The following SCMH1 variants were observed in gnomAD, a reference collection of about 807,000 sequenced individuals.
SCMH1 encodes the protein polycomb protein SCMH1.
A neutral mutation model predicts 70.8 loss-of-function variants in SCMH1; 37 were observed. The ratio of observed to expected loss-of-function variants is 0.52; its 90% CI spans 0.40 to 0.69. The LOEUF is 0.69. Ranked by LOEUF, SCMH1 falls within the 30% of genes least tolerant of loss-of-function variation. The probability of loss-of-function intolerance (pLI) is 0.00; values close to 1 mark genes in which losing one functional copy is unlikely to be tolerated. For synonymous variants in SCMH1, 292 were observed against 307.4 expected (o/e 0.95, Z 0.52); for missense variants, 607 against 827.3 (o/e 0.73, Z 3.27).
intron 8 of SCMH1, among the ~76,000 whole-genome samples, chr1:41,082,260 T>C (rs545638233): frequency 2.0e-5 from 3 of 152,100 alleles, no homozygotes; most frequent in Non-Finnish European, 4.4e-5. Context: ...AGACACATAA[T>C]TGTCAGATTC....
intron 4 of SCMH1, chr1:41,159,907 T>C: frequency 1.0e-6 from 1 of 1,000,394 alleles, no homozygotes; most frequent in Non-Finnish European, 1.3e-6. Flanking sequence ...TTCACATCCA[T>C]TAGCTCATGT....
At chr1:41,110,649 T>C (rs2147827869) in intron 8 of SCMH1, among the ~76,000 whole-genome samples, 1 of 152,364 alleles carries the variant, frequency 6.6e-6, no homozygotes, top group South Asian at 2.1e-4. Context: ...CAATTAGTAT[T>C]TTGTCCTCTA....
intron 1 of SCMH1, among the ~76,000 whole-genome samples, chr1:41,218,420 G>C (rs1402994368): frequency 6.6e-6 from 1 of 152,104 alleles, no homozygotes; most frequent in Non-Finnish European, 1.5e-5. Context: ...GATACACAGG[G>C]AGAACACAAT....
At position 41,046,265 on chromosome 1, in the gene SCMH1, T is replaced by C. The variant is rs545907922; in HGVS notation, c.1498+142A>G. On this transcript the variant is annotated intron_variant, in intron 12 of 14. Transcript: ENST00000337495. ...AGAGGAGGCTGAGAAGTCTCAGATATGGCAAAGGTAAGGGACAGAAAAGCA... is the reference window on the plus strand; with the variant it reads ...AGAGGAGGCTGAGAAGTCTCAGATACGGCAAAGGTAAGGGACAGAAAAGCA... 2.5e-5 allele frequency: 16 copies of C among 642,334 alleles called. No homozygotes were observed. The East Asian group carries it at 3.6e-4, about 14-fold the overall frequency. 39.8% of individuals were successfully genotyped at this position (642,334 alleles called of 1,614,324 possible). A position where few individuals can be genotyped will look rare whatever the true frequency, so the allele number is the denominator to read the frequency against.
chr1:41,043,802 TAAACAC>T (rs2148658475), intron 12 of SCMH1: 1 of 152,228 alleles, frequency 6.6e-6, no homozygotes, highest in Non-Finnish European at 1.5e-5. Context: ...TCTTAGGAGA[TAAACAC>T]AAAAGTATTT....
At position 41,049,310 on chromosome 1, in the gene SCMH1, A is replaced by G. The variant is rs1051437112; in HGVS notation, c.1106-420T>C. 1.5e-3 allele frequency among the ~76,000 whole-genome samples: 228 copies of G among 149,894 alleles called. 2 individuals carry two copies. The highest frequency in any genetic ancestry group is 5.2e-3 in the African/African-American group (213 of 40,762). On this transcript the variant is annotated intron_variant, in intron 10 of 14. Transcript: ENST00000337495. ...GCAATGGCAATATTAGCAAGGGCAT[A>G]TGTGTGTGTGTGTGTGTGTGTATGT...
chr1:41,035,328 T>G (rs544184159), intron 13 of SCMH1, among the ~76,000 whole-genome samples: 23 of 152,290 alleles, frequency 1.5e-4, no homozygotes, highest in African/African-American at 5.5e-4. Context: ...AAAAAGCCCT[T>G]AATTCTCAAG....
At chr1:41,061,803 C>G (rs1487094150) in intron 10 of SCMH1, among the ~76,000 whole-genome samples, 1 of 152,204 alleles carries the variant, frequency 6.6e-6, no homozygotes, top group Non-Finnish European at 1.5e-5. Flanking sequence ...GTAGAACATT[C>G]AGCAAGGTAG....
chr1:41,061,966 G>A (rs1275892105), intron 10 of SCMH1, among the ~76,000 whole-genome samples: 1 of 152,052 alleles, frequency 6.6e-6, no homozygotes, highest in Non-Finnish European at 1.5e-5. Flanking sequence ...CCAGGTTCAA[G>A]TGATCCTCAC....
At chr1:41,129,340 T>C (rs1278136136) in intron 6 of SCMH1, among the ~76,000 whole-genome samples, 2 of 152,166 alleles carry the variant, frequency 1.3e-5, no homozygotes, top group Non-Finnish European at 2.9e-5. Flanking sequence ...ACTCTGTACC[T>C]ATTATCAACC....
intron 8 of SCMH1, among the ~76,000 whole-genome samples, chr1:41,086,278 T>A (rs1476417679): frequency 3.9e-5 from 6 of 152,190 alleles, no homozygotes; most frequent in Admixed American, 1.3e-4. Flanking sequence ...ACAGAATACG[T>A]AACTGACATA....
intron 2 of SCMH1, among the ~76,000 whole-genome samples, chr1:41,167,695 T>C (rs61781830): frequency 0.23 from 35,718 of 152,084 alleles, 5,017 homozygotes; most frequent in Non-Finnish European, 0.31. Flanking sequence ...TTTGTATTTC[T>C]ATGTTGTCAG....
intron 10 of SCMH1, among the ~76,000 whole-genome samples, chr1:41,051,041 C>G (rs1326841581): frequency 6.6e-6 from 1 of 152,196 alleles, no homozygotes; most frequent in Admixed American, 6.5e-5. Context: ...TTCATAATAA[C>G]CCCAAACTAG....
At chr1:41,049,057 A>G (rs1231965411) in intron 10 of SCMH1, among the ~76,000 whole-genome samples, 167 bp from the exon 11 acceptor site, 3 of 152,158 alleles carry the variant, frequency 2.0e-5, no homozygotes, top group African/African-American at 7.2e-5. Context: ...GGGTCAAGAA[A>G]AGGCTGTGCC....
chr1:41,150,158 T>C (rs1212857430), intron 5 of SCMH1, among the ~76,000 whole-genome samples: 1 of 152,204 alleles, frequency 6.6e-6, no homozygotes, highest in Non-Finnish European at 1.5e-5. Flanking sequence ...AACTCATTTG[T>C]TTTCTCTCTC....
intron 1 of SCMH1, among the ~76,000 whole-genome samples, chr1:41,209,591 C>T (rs1437803480): frequency 2.0e-5 from 3 of 152,224 alleles, no homozygotes; most frequent in Non-Finnish European, 4.4e-5. Context: ...TAATTCATCG[C>T]ATAAACAGAA....
At chr1:41,056,456 T>A (rs77154612) in intron 10 of SCMH1, among the ~76,000 whole-genome samples, 63 of 109,000 alleles carry the variant, frequency 5.8e-4, no homozygotes, top group Non-Finnish European at 1.2e-3. Context: ...TATACTGTCA[T>A]TTTTTTTTTT....
At chr1:41,208,714 G>A (rs1656242216) in intron 1 of SCMH1, among the ~76,000 whole-genome samples, 1 of 152,136 alleles carries the variant, frequency 6.6e-6, no homozygotes, top group South Asian at 2.1e-4. Flanking sequence ...GAATCTCAGG[G>A]ACACATTTAA....
chr1:41,234,783 C>G (rs11585600), intron 1 of SCMH1, among the ~76,000 whole-genome samples: 11,861 of 151,980 alleles, frequency 0.078, 597 homozygotes, highest in South Asian at 0.13. Flanking sequence ...AAAACTCTGT[C>G]TCTTAAAAAA....
Sources: gnomAD v4.1 joint callset for allele counts (sites outside exome capture counted in the v4.1 genomes callset) on GRCh38, gnomAD v4.1.1 for gene constraint, MANE v1.5 for transcripts, NCBI Gene and HGNC (gene_info 2026-07-23, HGNC 2026-07-21) for gene names.